The following DDO variants were observed in gnomAD, a reference collection of about 807,000 sequenced individuals.
The protein encoded by DDO is D-aspartate oxidase, DDO.
A neutral mutation model predicts 16.8 loss-of-function variants in DDO; 16 were observed. The ratio of observed to expected loss-of-function variants is 0.95; its 90% CI spans 0.65 to 1.45. DDO has a LOEUF of 1.45. DDO is among the 40% of genes most tolerant of loss of function. The probability of loss-of-function intolerance (pLI) is 0.00; values close to 1 mark genes in which losing one functional copy is unlikely to be tolerated. For missense variants in DDO, 429 were observed against 420.3 expected, an observed-to-expected ratio of 1.02 and a Z score of -0.18; for synonymous variants, 180 against 167.2, an observed-to-expected ratio of 1.08 and a Z score of -0.59.
intron 4 of DDO, among the ~76,000 whole-genome samples, chr6:110,402,061 G>A (rs961194983): frequency 7.2e-5 from 11 of 152,090 alleles, no homozygotes; most frequent in Non-Finnish European, 1.5e-4. Context: ...CCCAACTGAG[G>A]GACATTCTAT....
At chr6:110,413,072 G>T (rs549923974) in intron 2 of DDO, among the ~76,000 whole-genome samples, 1 of 152,138 alleles carries the variant, frequency 6.6e-6, no homozygotes, top group Non-Finnish European at 1.5e-5. Flanking sequence ...GAGCCTGGGA[G>T]GTTGAGGCTG....
chr6:110,398,763 C>T (rs973095904), intron 4 of DDO, among the ~76,000 whole-genome samples: 1 of 152,086 alleles, frequency 6.6e-6, no homozygotes, highest in Non-Finnish European at 1.5e-5. Context: ...GAGGACTCCC[C>T]CAGAGAAAGT....
At position 110,393,329 on chromosome 6, in the gene DDO, C is replaced by A. The variant is rs762647725; in HGVS notation, c.472G>T (p.Gly158Ter). 4 of 1,601,306 alleles carry A rather than the reference C, an allele frequency of 2.5e-6. No individual in the cohort carries two copies. The highest frequency in any genetic ancestry group is 3.4e-6 in the Non-Finnish European group (4 of 1,171,204). Residue 158 changes from glycine to a stop codon, truncating the protein, a stop_gained, in exon 5 of 5, where the codon GGA (glycine) becomes TGA (stop). Coordinates refer to ENST00000368924, the MANE Select transcript of DDO (RefSeq NM_001372108.2). LOFTEE classifies it low-confidence loss of function (END_TRUNC). ...ATTCGCCGAGTGAGTGTCCAGCCTC[C>A]ACTTCCCTTTATCCTACGGAAGAGA... ...PWLEKRIKGS[G>*]GWTLTRRIED...
Position 110,415,548 on chromosome 6 carries a change from C to A in DDO, c.-86G>T, listed in dbSNP as rs748901139. On this transcript the variant is annotated 5_prime_UTR_variant, in exon 1 of 5. Coordinates refer to ENST00000368924, the MANE Select transcript of DDO (RefSeq NM_001372108.2). ...TTCCCAGTGCCTGGCTGGTCTCATG[C>A]CCTGAGAGACAGAGAGAAAGCGAAA... 56 of 1,613,916 alleles carry A rather than the reference C, an allele frequency of 3.5e-5. No homozygotes were observed. In the Admixed American group the frequency reaches 9.3e-4, roughly 27 times the overall value.
chr6:110,401,094 A>G (rs1307346769), intron 4 of DDO, among the ~76,000 whole-genome samples: 2 of 152,350 alleles, frequency 1.3e-5, no homozygotes, highest in Non-Finnish European at 1.5e-5. Context: ...CAGGGAAGAT[A>G]TGGATAGAGC....
chr6:110,406,268 T>C (rs930894120), intron 3 of DDO, among the ~76,000 whole-genome samples: 2 of 152,144 alleles, frequency 1.3e-5, no homozygotes, highest in African/African-American at 4.8e-5. Flanking sequence ...AGAAGTCTCA[T>C]GCATTTACAC....
At chr6:110,401,909 G>A (rs967569880) in intron 4 of DDO, among the ~76,000 whole-genome samples, 7 of 152,222 alleles carry the variant, frequency 4.6e-5, no homozygotes, top group Non-Finnish European at 1.0e-4. Flanking sequence ...TCTAGGTGAT[G>A]AAAGTTAACA....
At chr6:110,408,139 T>C (rs1773719316) in intron 3 of DDO, among the ~76,000 whole-genome samples, 195 bp downstream of exon 3, 3 of 152,240 alleles carry the variant, frequency 2.0e-5, no homozygotes, top group African/African-American at 4.8e-5. Flanking sequence ...TGTTGTTTAT[T>C]GTTAAAAAGT....
intron 3 of DDO, among the ~76,000 whole-genome samples, chr6:110,407,204 G>A (rs527882041): frequency 6.6e-6 from 1 of 152,310 alleles, no homozygotes; most frequent in South Asian, 2.1e-4. Flanking sequence ...AAATTACTTA[G>A]AGCCAAAATT....
At chr6:110,405,401 C>G (rs973473657) in intron 3 of DDO, among the ~76,000 whole-genome samples, 2 of 152,158 alleles carry the variant, frequency 1.3e-5, no homozygotes, top group African/African-American at 4.8e-5. Context: ...TTACTATTCT[C>G]TTAGGTTCAG....
intron 4 of DDO, among the ~76,000 whole-genome samples, chr6:110,401,935 TA>T (rs1163792488): frequency 6.6e-6 from 1 of 152,244 alleles, no homozygotes; most frequent in Non-Finnish European, 1.5e-5. Context: ...AATAAGGGGA[TA>T]AACTGATATC....
chr6:110,393,466 G>A (rs982058568), intron 4 of DDO, 124 bp from the exon 5 acceptor site: 54 of 1,358,678 alleles, frequency 4.0e-5, no homozygotes, highest in Non-Finnish European at 5.1e-5. Context: ...CACCTCAGGA[G>A]CTTCCAGGGC....
downstream of DDO, among the ~76,000 whole-genome samples, chr6:110,390,936 G>T (rs879622034): frequency 6.6e-6 from 1 of 152,128 alleles, no homozygotes; most frequent in East Asian, 1.9e-4. Flanking sequence ...AAAGAAGCAC[G>T]CACACTCTAT....
intron 3 of DDO, among the ~76,000 whole-genome samples, chr6:110,406,583 A>T (rs1562263764): frequency 6.6e-6 from 1 of 152,222 alleles, no homozygotes; most frequent in South Asian, 2.1e-4. Context: ...TGCAATTATG[A>T]CCAGTCACTT....
In DDO at chr6:110,392,607, G is replaced by T; in HGVS notation, c.*168C>A. 1 of 1,273,192 alleles carries T rather than the reference G, an allele frequency of 7.9e-7. No individual in the cohort carries two copies. Among genetic ancestry groups the T allele is most frequent in the Non-Finnish European group, 9.9e-7 (1 of 1,012,704 alleles). The allele number at this position is 1,273,192 out of a possible 1,614,324, so 78.9% of individuals were successfully genotyped here. ...TCCTCCTGCCTCAGCCTCTCAAGTA[G>T]CTGGGACTATAGGCATGCCACCGTG... On this transcript the variant is annotated 3_prime_UTR_variant, in exon 5 of 5. Coordinates refer to ENST00000368924, the MANE Select transcript of DDO (RefSeq NM_001372108.2).
chr6:110,412,640 C>T (rs1000635176), intron 2 of DDO, among the ~76,000 whole-genome samples: 41 of 152,240 alleles, frequency 2.7e-4, no homozygotes, highest in African/African-American at 9.9e-4. Context: ...GTCCCCTCCC[C>T]TCCGCCCCTG....
At chr6:110,404,306 AC>A in intron 4 of DDO, among the ~76,000 whole-genome samples, 1 of 152,348 alleles carries the variant, frequency 6.6e-6, no homozygotes, top group African/African-American at 2.4e-5. Flanking sequence ...CTTATTTAAG[AC>A]AAAAGGAAAT....
chr6:110,404,845 C>G lies in DDO; in HGVS notation c.387G>C (p.Gln129His). Residue 129 changes from glutamine (Q) to histidine (H), a missense_variant, in exon 4 of 5, where the codon CAG (glutamine) becomes CAC (histidine). Coordinates refer to ENST00000368924, the MANE Select transcript of DDO (RefSeq NM_001372108.2). Reference sequence around the variant, plus strand: ...TTGTAAAAGCCTGACCAAACACATACTGGGGGAATTTCTTCAGCTCAGCCT... The same window carrying G: ...TTGTAAAAGCCTGACCAAACACATAGTGGGGGAATTTCTTCAGCTCAGCCT... ...MTEAELKKFP[Q>H]YVFGQAFTTL... is the part of the protein sequence containing the mutation. 6.2e-7 allele frequency: 1 copy of G among 1,614,198 alleles called. No homozygotes were observed.
At chr6:110,398,362 A>C (rs1372900706) in intron 4 of DDO, among the ~76,000 whole-genome samples, 2 of 149,592 alleles carry the variant, frequency 1.3e-5, no homozygotes, top group African/African-American at 5.0e-5. Context: ...ATAAGGGTCC[A>C]CTAAGCAAAT....
Sources: allele counts gnomAD v4.1 joint callset (sites outside exome capture counted in the v4.1 genomes callset), GRCh38; gene constraint gnomAD v4.1.1; transcripts MANE v1.5; gene names NCBI Gene and HGNC (gene_info 2026-07-23, HGNC 2026-07-21).